The following ZNF438 variants were observed in gnomAD, a reference collection of about 807,000 sequenced individuals.
The protein encoded by ZNF438 is zinc finger protein 438.
A neutral mutation model predicts 38.0 loss-of-function variants in ZNF438; 25 were observed. The ratio of observed to expected loss-of-function variants is 0.66; its 90% CI spans 0.48 to 0.92. ZNF438 has a LOEUF of 0.92. Ranked by LOEUF, ZNF438 falls within the 40% of genes least tolerant of loss-of-function variation. The pLI is 0.00. For missense variants in ZNF438, 1,007 were observed against 999.6 expected (o/e 1.01, Z -0.10); for synonymous variants, 372 against 364.1 (o/e 1.02, Z -0.25).
At chr10:30,869,028 C>T (rs994664104) in intron 4 of ZNF438, among the ~76,000 whole-genome samples, 1 of 152,222 alleles carries the variant, frequency 6.6e-6, no homozygotes, top group Non-Finnish European at 1.5e-5. Flanking sequence ...GACAATGATA[C>T]ATACCCAAGT....
chr10:30,850,163 G>A lies in ZNF438; in HGVS notation c.242C>T (p.Ala81Val), dbSNP rs1169405601. The A allele has an allele frequency of 6.8e-6, 11 of 1,614,032 alleles. No homozygotes were observed. In the Admixed American group the frequency reaches 1.8e-4, roughly 27 times the overall value. The stretch of plus-strand genomic sequence containing the variant: ...CTCCTGGCCAGCAACCTGCATCAGG[G>A]CATAGTTCTGGGTGGACATCCCCAG... Residue 81 changes from alanine (A) to valine (V), a missense_variant, in exon 5 of 6, where the codon GCC becomes GTC. Coordinates refer to ENST00000413025, the Ensembl canonical transcript of ZNF438.
At chr10:30,976,740 TAAAA>T (rs11358833) in intron 1 of ZNF438, among the ~76,000 whole-genome samples, 2 of 143,828 alleles carry the variant, frequency 1.4e-5, no homozygotes, top group African/African-American at 2.5e-5. Context: ...CTTTATTTAA[TAAAA>T]AAAAAAAAAA....
At chr10:31,013,946 T>C (rs2055962274) in intron 1 of ZNF438, among the ~76,000 whole-genome samples, 1 of 152,176 alleles carries the variant, frequency 6.6e-6, no homozygotes, top group South Asian at 2.1e-4. Flanking sequence ...CATTTCCTAC[T>C]TAACCCTCTG....
chr10:30,850,193 T>G (rs774762221), exon 5 of ZNF438: 1 of 1,613,980 alleles, frequency 6.2e-7, no homozygotes, highest in Non-Finnish European at 8.5e-7. Flanking sequence ...CCCCAGCAGC[T>G]TGGAGTTGAT....
intron 1 of ZNF438, among the ~76,000 whole-genome samples, chr10:31,001,874 T>C (rs1177907013): frequency 1.3e-5 from 2 of 152,120 alleles, no homozygotes; most frequent in East Asian, 1.9e-4. Flanking sequence ...CCCAGCCAAG[T>C]GGTAGGGACT....
At chr10:31,030,147 C>A (rs1490272226) in intron 1 of ZNF438, among the ~76,000 whole-genome samples, 6 of 151,976 alleles carry the variant, frequency 3.9e-5, no homozygotes, top group Non-Finnish European at 1.5e-5. Context: ...ATTAATTATT[C>A]CTCTCTGAAA....
chr10:30,914,702 A>G (rs115370106), intron 2 of ZNF438, among the ~76,000 whole-genome samples: 1 of 152,156 alleles, frequency 6.6e-6, no homozygotes, highest in Non-Finnish European at 1.5e-5. Flanking sequence ...CAGAATTCCA[A>G]TTTTTTAAAA....
chr10:30,964,901 A>G (rs999854358), intron 1 of ZNF438, among the ~76,000 whole-genome samples: 1 of 152,214 alleles, frequency 6.6e-6, no homozygotes. Context: ...CTTGGCAAGG[A>G]ATTTGTAGCT....
chr10:31,013,746 CTT>C (rs1445504477), intron 1 of ZNF438, among the ~76,000 whole-genome samples: 1 of 152,150 alleles, frequency 6.6e-6, no homozygotes. Flanking sequence ...CTCTCCTTCT[CTT>C]CTTTTACCCC....
In ZNF438 at chr10:31,024,132, GATTT is replaced by G. The variant is rs1325824466; in HGVS notation, c.-192+7697_-192+7700del. On this transcript the variant is annotated intron_variant, in intron 1 of 5. Coordinates refer to ENST00000413025, the Ensembl canonical transcript of ZNF438. The stretch of plus-strand genomic sequence containing the variant: ...CTGTGAATTTATCCAGAAATTGTCA[GATTT>G]ATTTATTGGAGAATATCTGAAGACA... Among the ~76,000 whole-genome samples, 4 of 152,334 alleles carry G rather than the reference GATTT, an allele frequency of 2.6e-5. No homozygotes were observed. The East Asian group carries it at 5.8e-4, about 22-fold the overall frequency.
chr10:30,852,920 A>T (rs1256413708), intron 4 of ZNF438, among the ~76,000 whole-genome samples: 1 of 151,950 alleles, frequency 6.6e-6, no homozygotes, highest in Non-Finnish European at 1.5e-5. Context: ...TTTTATTTTC[A>T]TAGCCTTTAA....
At chr10:30,878,992 C>T (rs1477274367) in intron 3 of ZNF438, among the ~76,000 whole-genome samples, 2 of 152,134 alleles carry the variant, frequency 1.3e-5, no homozygotes, top group Admixed American at 6.5e-5. Flanking sequence ...GAAACAACTG[C>T]GATGAGCTCT....
intron 1 of ZNF438, among the ~76,000 whole-genome samples, chr10:30,976,692 G>A (rs187068259): frequency 4.6e-5 from 7 of 151,804 alleles, no homozygotes; most frequent in Middle Eastern, 3.4e-3. Context: ...AGCTATGATC[G>A]TGCCTCTGCA....
chr10:30,934,552 C>CATAGGA (rs1262020282), intron 2 of ZNF438, among the ~76,000 whole-genome samples: 1 of 152,114 alleles, frequency 6.6e-6, no homozygotes, highest in Non-Finnish European at 1.5e-5. Context: ...CAGTACTCAC[C>CATAGGA]ATATTGTAAC....
intron 1 of ZNF438, among the ~76,000 whole-genome samples, chr10:30,974,607 A>G (rs1043744881): frequency 6.6e-5 from 10 of 152,244 alleles, no homozygotes; most frequent in African/African-American, 2.4e-4. Context: ...ATACGAAGTC[A>G]GAACATAAAC....
At chr10:30,900,082 A>G (rs757438259) in intron 3 of ZNF438, among the ~76,000 whole-genome samples, 3 of 152,208 alleles carry the variant, frequency 2.0e-5, no homozygotes, top group Non-Finnish European at 4.4e-5. Flanking sequence ...CATCTGTGTC[A>G]TAACTACTCT....
chr10:30,911,707 A>G (rs80010417), intron 2 of ZNF438, among the ~76,000 whole-genome samples: 102 of 152,200 alleles, frequency 6.7e-4, no homozygotes, highest in African/African-American at 2.1e-3. Flanking sequence ...CTGACACTAA[A>G]CCTGCTCTCC....
chr10:30,887,571 G>A (rs913089928), intron 3 of ZNF438, among the ~76,000 whole-genome samples: 2 of 152,062 alleles, frequency 1.3e-5, no homozygotes, highest in African/African-American at 4.8e-5. Context: ...TGTATTTTTA[G>A]TAGAGACGGG....
chr10:30,923,799 T>C (rs1283872922), intron 2 of ZNF438, among the ~76,000 whole-genome samples: 1 of 152,244 alleles, frequency 6.6e-6, no homozygotes, highest in Non-Finnish European at 1.5e-5. Context: ...CTGTATGTGA[T>C]TTTGGGATGA....
Sources: allele counts gnomAD v4.1 joint callset (sites outside exome capture counted in the v4.1 genomes callset), GRCh38; gene constraint gnomAD v4.1.1; transcripts MANE v1.5; gene names NCBI Gene and HGNC (gene_info 2026-07-23, HGNC 2026-07-21).